Variants in GPR173 observed in about 807,000 individuals in gnomAD.
GPR173 encodes G protein-coupled receptor 173.
In GPR173, 2 loss-of-function variants were observed where a neutral mutation model predicts 13.9. That is an observed-to-expected ratio of 0.14 (90% CI 0.06 to 0.45). GPR173 has a LOEUF of 0.45. GPR173 is among the 20% of genes least tolerant of loss of function. The probability of loss-of-function intolerance (pLI) is 0.98; values close to 1 mark genes in which losing one functional copy is unlikely to be tolerated. For synonymous variants in GPR173, 131 were observed against 141.0 expected, an observed-to-expected ratio of 0.93 and a Z score of 0.50; for missense variants, 202 against 340.5, an observed-to-expected ratio of 0.59 and a Z score of 3.20.
chrX:53,064,523 G>C (rs1429559473), intron 1 of GPR173, among the ~76,000 whole-genome samples: 1 of 109,944 alleles, frequency 9.1e-6, no homozygotes. Flanking sequence ...AGCAAGCCTA[G>C]ATCATGCCAC....
At position 53,074,005 on chromosome X, in the gene GPR173, A is replaced by AAATATAAAT. The variant is rs1569224261; in HGVS notation, c.-97-2520_-97-2519insAATATAAAT. On this transcript the variant is annotated intron_variant, in intron 1 of 1. Coordinates refer to ENST00000332582, the MANE Select transcript of GPR173 (RefSeq NM_018969.6). ...TATATATAAATATACATAAATATATATTATACATAAATATATATTTATATA... is the reference window on the plus strand; with the variant it reads ...TATATATAAATATACATAAATATATAAATATAAATTTATACATAAATATATATTTATATA... 9.1e-3 allele frequency among the ~76,000 whole-genome samples: 169 copies of AAATATAAAT among 18,643 alleles called. 14 individuals carry two copies. The highest frequency in any genetic ancestry group is 0.01 in the Non-Finnish European group (142 of 13,674). 16.2% of individuals were successfully genotyped at this position (18,643 alleles called of 115,157 possible). A position where few individuals can be genotyped will look rare whatever the true frequency, so the allele number is the denominator to read the frequency against.
chrX:53,067,469 T>C (rs1470724317), intron 1 of GPR173, among the ~76,000 whole-genome samples: 2 of 112,190 alleles, frequency 1.8e-5, no homozygotes, highest in Non-Finnish European at 3.8e-5. Context: ...CAAATCTTTC[T>C]ATTGAAGGGG....
intron 1 of GPR173, among the ~76,000 whole-genome samples, chrX:53,070,204 G>GTA (rs1374581626): frequency 9.0e-6 from 1 of 111,682 alleles, no homozygotes; most frequent in Non-Finnish European, 1.9e-5. Flanking sequence ...GGGTCAATGA[G>GTA]TATATATATG....
intron 1 of GPR173, among the ~76,000 whole-genome samples, chrX:53,064,298 G>A (rs1008880148): frequency 2.7e-5 from 3 of 112,182 alleles, no homozygotes; most frequent in Non-Finnish European, 3.8e-5. Context: ...GCTAGGCGCA[G>A]TGGCTCACAC....
At chrX:53,066,578 G>A (rs1193176994) in intron 1 of GPR173, among the ~76,000 whole-genome samples, 1 of 109,478 alleles carries the variant, frequency 9.1e-6, no homozygotes, top group South Asian at 4.0e-4. Flanking sequence ...AGAGGCAGGA[G>A]AATCGCTTGA....
At chrX:53,066,828 G>T (rs1932190058) in intron 1 of GPR173, among the ~76,000 whole-genome samples, 1 of 111,091 alleles carries the variant, frequency 9.0e-6, no homozygotes, top group Non-Finnish European at 1.9e-5. Flanking sequence ...AAAGCTGAAA[G>T]GCAGGTGGGA....
At chrX:53,073,972 T>TA in intron 1 of GPR173, among the ~76,000 whole-genome samples, 1 of 32,498 alleles carries the variant, frequency 3.1e-5, no homozygotes, top group Non-Finnish European at 4.2e-5. Flanking sequence ...TAAATATATA[T>TA]TTATATTTAT....
At position 53,049,259 on chromosome X, in the gene GPR173, G is replaced by A. The variant is rs1931920355; in HGVS notation, c.-323G>A. 8.9e-6 allele frequency: 1 copy of A among 111,817 alleles called. No homozygotes were observed. The highest frequency in any genetic ancestry group is 1.9e-5 in the Non-Finnish European group (1 of 53,090). 9.2% of individuals were successfully genotyped at this position (111,817 alleles called of 1,213,427 possible). ...CAAGGCTGTGTGCTGCCCACCTGGTGTTCCCCAACACCCCCAGCCCTACCC... is the reference window on the plus strand; with the variant it reads ...CAAGGCTGTGTGCTGCCCACCTGGTATTCCCCAACACCCCCAGCCCTACCC... On this transcript the variant is annotated 5_prime_UTR_variant, in exon 1 of 2. Coordinates refer to ENST00000332582, the MANE Select transcript of GPR173 (RefSeq NM_018969.6).
chrX:53,072,968 A>G (rs1314025628), intron 1 of GPR173, among the ~76,000 whole-genome samples: 8 of 111,165 alleles, frequency 7.2e-5, no homozygotes, highest in African/African-American at 2.6e-4. Context: ...CATACCTGTA[A>G]TCCCAACAAT....
intron 1 of GPR173, among the ~76,000 whole-genome samples, chrX:53,054,502 TA>T (rs782083038): frequency 3.5e-3 from 334 of 96,163 alleles, no homozygotes; most frequent in African/African-American, 3.9e-3. Context: ...AGACTCCATC[TA>T]AAAAAAAAAA....
At chrX:53,051,140 A>G (rs1931951150) in intron 1 of GPR173, among the ~76,000 whole-genome samples, 1 of 111,726 alleles carries the variant, frequency 9.0e-6, no homozygotes, top group Non-Finnish European at 1.9e-5. Context: ...TGCAGCAGCC[A>G]GACCTGTGAG....
chrX:53,074,677 T>C (rs782390540), intron 1 of GPR173, among the ~76,000 whole-genome samples: 1 of 85,350 alleles, frequency 1.2e-5, no homozygotes. Context: ...TATATTTATT[T>C]ATAAATATTA....
At chrX:53,073,823 A>C (rs1323250719) in intron 1 of GPR173, among the ~76,000 whole-genome samples, 1 of 70,070 alleles carries the variant, frequency 1.4e-5, no homozygotes, top group Non-Finnish European at 2.6e-5. Context: ...TATATATATA[A>C]AAAAGTTTGT....
At position 53,076,554 on chromosome X, in the gene GPR173, C is replaced by T. The variant is rs782355138; in HGVS notation, c.-68C>T. 5.5e-6 allele frequency: 5 copies of T among 905,462 alleles called. No homozygotes were observed. The highest frequency in any genetic ancestry group is 7.6e-6 in the Non-Finnish European group (5 of 656,226). 74.6% of individuals were successfully genotyped at this position (905,462 alleles called of 1,213,427 possible). ...AATGTAGCAGGACAACTCATGGAGC[C>T]CCCCCGGGCCCATCGAGTACCGGAC... On this transcript the variant is annotated 5_prime_UTR_variant, in exon 2 of 2. Transcript: ENST00000332582.
At chrX:53,068,399 TTC>T (rs1393168288) in intron 1 of GPR173, among the ~76,000 whole-genome samples, 1 of 111,571 alleles carries the variant, frequency 9.0e-6, no homozygotes, top group Admixed American at 9.6e-5. Context: ...CTTCTATTTT[TTC>T]TCTGTTTCTT....
chrX:53,063,216 A>G (rs781945741), intron 1 of GPR173, among the ~76,000 whole-genome samples: 35 of 110,605 alleles, frequency 3.2e-4, no homozygotes, highest in Non-Finnish European at 4.9e-4. Flanking sequence ...CTGTGTGCCT[A>G]CAGAATTAGC....
intron 1 of GPR173, among the ~76,000 whole-genome samples, chrX:53,063,144 G>T (rs142230532): frequency 3.2e-4 from 35 of 109,951 alleles, no homozygotes; most frequent in African/African-American, 1.1e-3. Context: ...GGTTCCCCAG[G>T]CTGTCCATGA....
At chrX:53,072,405 T>C (rs1423905940) in intron 1 of GPR173, among the ~76,000 whole-genome samples, 4 of 105,410 alleles carry the variant, frequency 3.8e-5, no homozygotes, top group African/African-American at 1.4e-4. Context: ...TCTCTCTCTC[T>C]CTCTCTCTCT....
intron 1 of GPR173, among the ~76,000 whole-genome samples, chrX:53,060,014 T>TTTTA (rs1313223813): frequency 1.0e-5 from 1 of 98,740 alleles, no homozygotes; most frequent in African/African-American, 3.8e-5. Flanking sequence ...AAAGTGTATA[T>TTTTA]TATATATATA....
Sources: gnomAD v4.1 joint callset for allele counts (sites outside exome capture counted in the v4.1 genomes callset) on GRCh38, gnomAD v4.1.1 for gene constraint, MANE v1.5 for transcripts, NCBI Gene and HGNC (gene_info 2026-07-23, HGNC 2026-07-21) for gene names.